Variants in MAP2K3 observed in about 807,000 individuals in gnomAD.
MAP2K3 encodes mitogen-activated protein kinase kinase 3.
A neutral mutation model predicts 46.4 loss-of-function variants in MAP2K3; 30 were observed. The ratio of observed to expected loss-of-function variants is 0.65; its 90% CI spans 0.48 to 0.88. The LOEUF (loss-of-function observed/expected upper bound fraction) is 0.88. Among genes scored for constraint, MAP2K3 ranks in the 40% least tolerant of loss-of-function variants. The pLI, the probability that MAP2K3 is intolerant of heterozygous loss-of-function variation, is 0.00. For synonymous variants in MAP2K3, 189 were observed against 176.3 expected, an observed-to-expected ratio of 1.07 and a Z score of -0.57; for missense variants, 380 against 464.5, an observed-to-expected ratio of 0.82 and a Z score of 1.67.
intron 1 of MAP2K3, chr17:21,288,084 T>C (rs1383700406): frequency 7.8e-7 from 1 of 1,289,168 alleles, no homozygotes; most frequent in Non-Finnish European, 1.0e-6. Flanking sequence ...CAGCGGAGGC[T>C]TCCGGCGGTG....
chr17:21,312,170 A>T lies in MAP2K3; in HGVS notation c.803A>T (p.Tyr268Phe), dbSNP rs765561073. ...GAGATGGCCATCCTGCGGTTCCCTT[A>T]CGAGTCCTGGGGGACCCCGTTCCAG... ...MIEMAILRFP[Y>F]ESWGTPFQQL... Residue 268 changes from tyrosine (Y) to phenylalanine (F), a missense_variant, in exon 10 of 12, where the codon TAC becomes TTC. Tyr to Phe is a conservative substitution (Grantham distance 22). Coordinates refer to ENST00000342679, the MANE Select transcript of MAP2K3 (RefSeq NM_145109.3). The T allele has an allele frequency of 6.3e-7, 1 of 1,580,366 alleles. No individual in the cohort carries two copies. The highest frequency in any genetic ancestry group is 1.9e-5 in the Admixed American group (1 of 52,202).
chr17:21,308,376 G>A (rs1044046976), intron 9 of MAP2K3, among the ~76,000 whole-genome samples: 5 of 152,306 alleles, frequency 3.3e-5, no homozygotes, highest in African/African-American at 7.2e-5. Context: ...TCAAACTCCT[G>A]ACCTCAGGTG....
intron 9 of MAP2K3, among the ~76,000 whole-genome samples, chr17:21,307,610 G>A (rs1399507951): frequency 6.6e-6 from 1 of 151,218 alleles, no homozygotes; most frequent in East Asian, 2.0e-4. Flanking sequence ...TGACGCAGGT[G>A]TTGTGGGTTT....
intron 6 of MAP2K3, 79 bp from the exon 7 acceptor site, chr17:21,303,104 G>A: frequency 1.3e-6 from 2 of 1,582,272 alleles, no homozygotes; most frequent in Non-Finnish European, 1.7e-6. Context: ...CATGGATGGG[G>A]TCTTACTGCT....
chr17:21,295,692 C>G (rs1302330533), intron 1 of MAP2K3: 1 of 1,289,508 alleles, frequency 7.8e-7, no homozygotes, highest in South Asian at 1.2e-5. Flanking sequence ...GATGCAGAGG[C>G]CAGTCCATAT....
At chr17:21,301,079 C>G (rs562707659) in intron 5 of MAP2K3, 86 bp downstream of exon 5, 6 of 1,603,980 alleles carry the variant, frequency 3.7e-6, no homozygotes, top group Middle Eastern at 1.7e-4. Flanking sequence ...CCCTCCAGTA[C>G]GCCAGGTGCT....
At chr17:21,311,623 T>TGTGTGC in intron 9 of MAP2K3, 1 of 148,806 alleles carries the variant, frequency 6.7e-6, no homozygotes, top group Non-Finnish European at 1.5e-5. Context: ...TGTGTGTGTG[T>TGTGTGC]GTGTGTGTGT....
intron 1 of MAP2K3, chr17:21,295,546 A>T (rs1484928433): frequency 4.0e-5 from 49 of 1,231,690 alleles, no homozygotes; most frequent in Admixed American, 1.0e-4. Flanking sequence ...CCCAGCTCTG[A>T]CGTCTGCAGC....
At chr17:21,311,247 C>T (rs1977145559) in intron 9 of MAP2K3, among the ~76,000 whole-genome samples, 1 of 152,144 alleles carries the variant, frequency 6.6e-6, no homozygotes, top group South Asian at 2.1e-4. Context: ...CAGTGAGGGC[C>T]CTTGTGCTGG....
At chr17:21,290,404 C>T (rs184345428) in intron 1 of MAP2K3, among the ~76,000 whole-genome samples, 4 of 2,212 alleles carry the variant, frequency 1.8e-3, no homozygotes, top group African/African-American at 2.9e-3. Flanking sequence ...GCATGGCACA[C>T]GGCATCCCGG....
chr17:21,293,817 G>C (rs1458698346), intron 1 of MAP2K3, among the ~76,000 whole-genome samples: 1 of 152,312 alleles, frequency 6.6e-6, no homozygotes, highest in Non-Finnish European at 1.5e-5. Flanking sequence ...CACAGCCTGG[G>C]CCTGGCATGG....
rs748212878 is a variant in MAP2K3, at chr17:21,313,530, A to C, written c.953A>C (p.Glu318Ala). The C allele has an allele frequency of 1.9e-6, 3 of 1,543,254 alleles. No individual in the cohort carries two copies. In the East Asian group the frequency reaches 7.5e-5, roughly 39 times the overall value. ...KNPAERMSYL[E>A]LMEHPFFTLH... ...CCCGCAGAGCGTATGAGCTACCTGG[A>C]GCTGATGGTGAGTATGGGCGGGAGG... The change falls in exon 11 of 12, where the codon GAG (glutamate) becomes GCG (alanine). Residue 318 changes from glutamate (E) to alanine (A), a missense_variant. Physicochemically the swap from Glu to Ala is moderately radical, Grantham distance 107. This residue lies in a region of MAP2K3 where 63 missense variants were observed against 81.6 expected (regional missense o/e 0.77). Transcript: ENST00000342679.
chr17:21,285,490 G>A (rs1193282220), intron 1 of MAP2K3, among the ~76,000 whole-genome samples: 1 of 152,126 alleles, frequency 6.6e-6, no homozygotes, highest in Non-Finnish European at 1.5e-5. Context: ...CTATGCGGGT[G>A]CTCTGGCTAC....
chr17:21,311,693 T>G (rs1977171558), intron 9 of MAP2K3: 1 of 156,632 alleles, frequency 6.4e-6, no homozygotes, highest in African/African-American at 2.4e-5. Context: ...ACAGCCCAAA[T>G]TAATGACAGC....
At chr17:21,313,369 C>T in intron 10 of MAP2K3, 123 bp from the exon 11 acceptor site, 5 of 739,324 alleles carry the variant, frequency 6.8e-6, no homozygotes, top group Non-Finnish European at 1.2e-5. Context: ...CCTGTCCCTT[C>T]TTCCCTGGGT....
At chr17:21,287,124 CTCCCA>C (rs1975744478) in intron 1 of MAP2K3, among the ~76,000 whole-genome samples, 1 of 152,282 alleles carries the variant, frequency 6.6e-6, no homozygotes, top group African/African-American at 2.4e-5. Flanking sequence ...CTATGTGCCC[CTCCCA>C]TGCTGGATGC....
intron 6 of MAP2K3, 23 bp from the exon 7 acceptor site, chr17:21,303,160 C>T (rs1413545563): frequency 3.7e-6 from 6 of 1,613,990 alleles, no homozygotes; most frequent in African/African-American, 1.3e-5. Context: ...CTGTCTCTTC[C>T]CTCCTCCCCA....
At chr17:21,296,385 C>T (rs905178368) in intron 1 of MAP2K3, among the ~76,000 whole-genome samples, 31 of 152,424 alleles carry the variant, frequency 2.0e-4, no homozygotes, top group East Asian at 1.2e-3. Context: ...GCCTCAGAAG[C>T]TGCTGGCCCT....
chr17:21,297,076 C>T (rs1264201412), intron 1 of MAP2K3, among the ~76,000 whole-genome samples: 1 of 152,312 alleles, frequency 6.6e-6, no homozygotes, highest in South Asian at 2.1e-4. Flanking sequence ...GGACCCCTGT[C>T]CCTGCCAAGG....
Sources: gnomAD v4.1 joint callset for allele counts (sites outside exome capture counted in the v4.1 genomes callset) on GRCh38, gnomAD v4.1.1 for gene constraint, gnomAD v4.1.1 regional missense constraint, MANE v1.5 for transcripts, NCBI Gene and HGNC (gene_info 2026-07-23, HGNC 2026-07-21) for gene names.